ERGIC1: variants seen among roughly 807,000 people sequenced by gnomAD.
ERGIC1 encodes the protein endoplasmic reticulum-Golgi intermediate compartment protein 1.
In ERGIC1, 19 loss-of-function variants were observed where a neutral mutation model predicts 38.3. The observed-to-expected ratio is 0.50, with a 90% CI of 0.35 to 0.73. The LOEUF (loss-of-function observed/expected upper bound fraction) is 0.73, where lower values mean the gene tolerates loss of function less well. ERGIC1 is among the 30% of genes least tolerant of loss of function. The pLI is 0.01. For missense variants in ERGIC1, 294 were observed against 389.2 expected, an observed-to-expected ratio of 0.76 and a Z score of 2.06; for synonymous variants, 124 against 157.6, an observed-to-expected ratio of 0.79 and a Z score of 1.60.
At chr5:172,879,933 A>T (rs1762239572) in intron 1 of ERGIC1, among the ~76,000 whole-genome samples, 1 of 152,224 alleles carries the variant, frequency 6.6e-6, no homozygotes, top group Admixed American at 6.5e-5. Context: ...GACGGCCCAA[A>T]AGACAAATGT....
chr5:172,903,067 T>C (rs982049834), intron 3 of ERGIC1, among the ~76,000 whole-genome samples: 1 of 143,968 alleles, frequency 6.9e-6, no homozygotes, highest in African/African-American at 2.5e-5. Flanking sequence ...CCTGACTCCC[T>C]GACGCCATCT....
At chr5:172,925,775 G>A (rs994116965) in intron 6 of ERGIC1, among the ~76,000 whole-genome samples, 2 of 152,232 alleles carry the variant, frequency 1.3e-5, no homozygotes, top group Non-Finnish European at 2.9e-5. Flanking sequence ...TGTCTAGCTC[G>A]ATAACCCCTG....
At chr5:172,871,112 C>T (rs1274027846) in intron 1 of ERGIC1, among the ~76,000 whole-genome samples, 2 of 152,242 alleles carry the variant, frequency 1.3e-5, no homozygotes, top group Non-Finnish European at 2.9e-5. Context: ...CATCAATCAT[C>T]GCATGTGCCC....
chr5:172,851,126 G>A (rs1369882854), intron 1 of ERGIC1, among the ~76,000 whole-genome samples: 2 of 149,450 alleles, frequency 1.3e-5, no homozygotes, highest in Admixed American at 6.7e-5. Flanking sequence ...CCTTGAACCC[G>A]GGAGGTGGAG....
chr5:172,935,248 C>G lies in ERGIC1; in HGVS notation c.703C>G (p.Leu235Val). The change falls in exon 9 of 10, where the codon CTC (leucine) becomes GTC (valine). Residue 235 changes from leucine to valine, a missense_variant. By Grantham distance (32) the Leu-to-Val change is conservative (BLOSUM62 1). Transcript: ENST00000393784. Reference protein sequence around the residue: ...IIPAIWFRYDLSPITVKYTER... With the variant: ...IIPAIWFRYDVSPITVKYTER... ...CCCTGCAATCTGGTTCCGCTACGAC[C>G]TCAGCCCCATCACGGTCAAGTACAC... The G allele has an allele frequency of 1.9e-6, 3 of 1,614,224 alleles. No individual in the cohort carries two copies. In the South Asian group the frequency reaches 3.3e-5, roughly 18 times the overall value.
At chr5:172,912,054 A>G (rs1163060607) in intron 4 of ERGIC1, among the ~76,000 whole-genome samples, 1 of 147,806 alleles carries the variant, frequency 6.8e-6, no homozygotes, top group Non-Finnish European at 1.5e-5. Context: ...GGACCCTACC[A>G]TATGGGAACC....
intron 3 of ERGIC1, among the ~76,000 whole-genome samples, chr5:172,909,058 T>C (rs1241220437): frequency 6.6e-6 from 1 of 151,962 alleles, no homozygotes; most frequent in Non-Finnish European, 1.5e-5. Flanking sequence ...GAGGTGAGCA[T>C]AGGAAGTGCC....
chr5:172,915,422 G>A (rs1427830527), intron 5 of ERGIC1: 4 of 405,498 alleles, frequency 9.9e-6, no homozygotes, highest in South Asian at 1.9e-5. Context: ...GTGCAGTGAT[G>A]AGGAATAAAG....
chr5:172,871,349 C>T (rs1376379930), intron 1 of ERGIC1, among the ~76,000 whole-genome samples: 2 of 152,206 alleles, frequency 1.3e-5, no homozygotes, highest in Admixed American at 6.5e-5. Flanking sequence ...CTTGCTGTCC[C>T]TTCTGCCTGG....
intron 1 of ERGIC1, among the ~76,000 whole-genome samples, chr5:172,887,788 T>C (rs1362853565): frequency 6.6e-6 from 1 of 152,232 alleles, no homozygotes; most frequent in Non-Finnish European, 1.5e-5. Flanking sequence ...CACCAGCTGA[T>C]GCTAAGACCG....
At chr5:172,869,260 C>T (rs1178311294) in intron 1 of ERGIC1, among the ~76,000 whole-genome samples, 1 of 152,242 alleles carries the variant, frequency 6.6e-6, no homozygotes, top group African/African-American at 2.4e-5. Context: ...CCCAGGACAG[C>T]GTGTGCTCAG....
At position 172,950,891 on chromosome 5, in the gene ERGIC1, C is replaced by A; in HGVS notation, c.*75C>A. ...CTCCAGTGCCCTGTCTCCTTTGGCC[C>A]TCAATCTGGTCCCAAATCTGGCTGT... On this transcript the variant is annotated 3_prime_UTR_variant, in exon 10 of 10. Coordinates refer to ENST00000393784, the MANE Select transcript of ERGIC1 (RefSeq NM_001031711.3). The A allele has an allele frequency of 7.5e-7, 1 of 1,336,828 alleles. No individual in the cohort carries two copies. The highest frequency in any genetic ancestry group is 1.0e-6 in the Non-Finnish European group (1 of 971,682). The allele number at this position is 1,336,828 out of a possible 1,614,324, so 82.8% of individuals were successfully genotyped here. A position where few individuals can be genotyped will look rare whatever the true frequency, so the allele number is the denominator to read the frequency against.
chr5:172,878,011 G>A (rs1393047741), intron 1 of ERGIC1, among the ~76,000 whole-genome samples: 3 of 152,140 alleles, frequency 2.0e-5, no homozygotes, highest in Non-Finnish European at 4.4e-5. Flanking sequence ...CTGGCCTTCC[G>A]GAAGTCAAGC....
In ERGIC1 at chr5:172,952,586, C is replaced by T. The variant is rs1210448064; in HGVS notation, c.*1770C>T. The T allele has an allele frequency of 6.6e-6, 1 of 150,584 alleles. No homozygotes were observed. The highest frequency in any genetic ancestry group is 2.4e-5 in the African/African-American group (1 of 40,958). 9.3% of individuals were successfully genotyped at this position (150,584 alleles called of 1,614,324 possible). A position where few individuals can be genotyped will look rare whatever the true frequency, so the allele number is the denominator to read the frequency against. ...TTTCCTATGGAAGAGACACCTCTGA[C>T]CCGTTATTCTTATAATCAAAATCTG... On this transcript the variant is annotated 3_prime_UTR_variant, in exon 10 of 10. Coordinates refer to ENST00000393784, the MANE Select transcript of ERGIC1 (RefSeq NM_001031711.3).
intron 1 of ERGIC1, among the ~76,000 whole-genome samples, chr5:172,860,602 A>G (rs1050242534): frequency 6.6e-6 from 1 of 152,188 alleles, no homozygotes; most frequent in Admixed American, 6.5e-5. Context: ...GTGACCGTGA[A>G]AGAAACAGAC....
intron 5 of ERGIC1, 116 bp from the exon 6 acceptor site, chr5:172,923,889 C>T (rs1581578998): frequency 1.1e-6 from 1 of 897,934 alleles, no homozygotes; most frequent in East Asian, 2.6e-5. Flanking sequence ...CAAGCAGGAT[C>T]CAAACCCAGA....
intron 9 of ERGIC1, chr5:172,937,382 C>T (rs1029967092): frequency 6.6e-6 from 1 of 152,220 alleles, no homozygotes; most frequent in Non-Finnish European, 1.5e-5. Flanking sequence ...AGACTCAATT[C>T]AGGCCAGACG....
chr5:172,920,419 C>T, intron 5 of ERGIC1: 2 of 717,802 alleles, frequency 2.8e-6, no homozygotes, highest in Non-Finnish European at 2.6e-6. Context: ...GCAGCGGCAG[C>T]CTCACCAGAG....
intron 1 of ERGIC1, among the ~76,000 whole-genome samples, chr5:172,836,910 G>A (rs956649456): frequency 2.6e-5 from 4 of 152,228 alleles, no homozygotes; most frequent in African/African-American, 9.7e-5. Context: ...GCTCCACTGA[G>A]TAGAAGCCCT....
Sources: gnomAD v4.1 joint callset for allele counts (sites outside exome capture counted in the v4.1 genomes callset) on GRCh38, gnomAD v4.1.1 for gene constraint, MANE v1.5 for transcripts, NCBI Gene and HGNC (gene_info 2026-07-23, HGNC 2026-07-21) for gene names.